Variants in FAM53A observed in about 807,000 individuals in gnomAD.
FAM53A encodes protein FAM53A.
FAM53A carries 28 observed loss-of-function variants against 26.6 expected under a neutral mutation model. That is an observed-to-expected ratio of 1.05 (90% confidence interval 0.78 to 1.45). The LOEUF is 1.45. FAM53A is among the 40% of genes most tolerant of loss of function. FAM53A has a pLI of 0.00. For missense variants in FAM53A, 650 were observed against 575.8 expected, an observed-to-expected ratio of 1.13 and a Z score of -1.32; for synonymous variants, 290 against 253.1, an observed-to-expected ratio of 1.15 and a Z score of -1.38.
intron 1 of FAM53A, among the ~76,000 whole-genome samples, chr4:1,618,562 C>T (rs1200003827): frequency 6.6e-6 from 1 of 152,150 alleles, no homozygotes; most frequent in Non-Finnish European, 1.5e-5. Flanking sequence ...TGCATGGGGA[C>T]GGCAGCTCTG....
Position 1,672,267 on chromosome 4 carries a change from A to AGGAACC in FAM53A, c.-164-3363_-164-3362insGGTTCC, listed in dbSNP as rs1714727801. Among the ~76,000 whole-genome samples, 6 of 148,526 alleles carry AGGAACC rather than the reference A, an allele frequency of 4.0e-5. 1 individual carries two copies. The highest frequency in any genetic ancestry group is 5.9e-5 in the Non-Finnish European group (4 of 67,546). ...CACGGACCCAGGGACCCACAGACCCACAAACCCAGGAACCAGCCACCCACA... is the reference window on the plus strand; with the variant it reads ...CACGGACCCAGGGACCCACAGACCCAGGAACCCAAACCCAGGAACCAGCCACCCACA... On this transcript the variant is annotated intron_variant, in intron 1 of 4. Coordinates refer to ENST00000308132, the MANE Select transcript of FAM53A (RefSeq NM_001174070.3).
In FAM53A at chr4:1,655,377, C is replaced by A. The variant is rs774268587; in HGVS notation, c.483G>T (p.Arg161=). The change falls in exon 4 of 5, where the codon CGG becomes CGT. Residue 161 remains arginine, a synonymous_variant. Transcript: ENST00000308132. The part of the protein sequence containing the change: ...RRCDSGGSAT[R]QGSPGAVLPR... Reference sequence around the variant, plus strand: ...GCAGGACGGCGCCGGGGCTTCCCTGCCGCGTGGCACTCCCGCCGCTGTCGC... The same window carrying A: ...GCAGGACGGCGCCGGGGCTTCCCTGACGCGTGGCACTCCCGCCGCTGTCGC... 1 of 1,447,060 alleles carries A rather than the reference C, an allele frequency of 6.9e-7. No individual in the cohort carries two copies. The highest frequency in any genetic ancestry group is 1.5e-5 in the African/African-American group (1 of 67,572). 89.6% of individuals were successfully genotyped at this position (1,447,060 alleles called of 1,614,324 possible).
chr4:1,613,897 C>T (rs1411287360), downstream of FAM53A, among the ~76,000 whole-genome samples: 6 of 152,224 alleles, frequency 3.9e-5, no homozygotes, highest in Non-Finnish European at 5.9e-5. Flanking sequence ...CTCACCTGTA[C>T]CTCAGGTCCC....
At chr4:1,647,674 G>A (rs377652192) in intron 4 of FAM53A, among the ~76,000 whole-genome samples, 60 of 152,354 alleles carry the variant, frequency 3.9e-4, no homozygotes, top group African/African-American at 1.4e-3. Context: ...CAGCACAGCC[G>A]GGGTGCGGAT....
At chr4:1,638,326 C>T (rs546109599), downstream of FAM53A, among the ~76,000 whole-genome samples, 9 of 152,226 alleles carry the variant, frequency 5.9e-5, no homozygotes, top group African/African-American at 2.2e-4. Context: ...AGACAGGGGA[C>T]CCAAGGGTGC....
At position 1,625,285 on chromosome 4, in the gene FAM53A, A is replaced by G. The variant is rs201969240; in HGVS notation, c.432-7174T>C. 1.5e-3 allele frequency among the ~76,000 whole-genome samples: 56 copies of G among 36,956 alleles called. 1 individual carries two copies. Among genetic ancestry groups the G allele is most frequent in the African/African-American group, 4.3e-3 (17 of 4,000 alleles). 24.2% of individuals were successfully genotyped at this position (36,956 alleles called of 152,430 possible). On this transcript the variant is annotated intron_variant, in intron 1 of 1. Transcript: ENST00000489029. ...CCCGACCCACGTGGTCAGGGGTCAC[A>G]CCAGGTGATCAGAAGGCCCCACGTC...
the FAM53A span, among the ~76,000 whole-genome samples, chr4:1,604,996 C>T: frequency 6.6e-6 from 1 of 152,250 alleles, no homozygotes; most frequent in South Asian, 2.1e-4. Context: ...GGAACCTGCC[C>T]CTCTCTCTGG....
intron 1 of FAM53A, among the ~76,000 whole-genome samples, chr4:1,621,678 T>C (rs1478077936): frequency 6.6e-6 from 1 of 152,024 alleles, no homozygotes; most frequent in Admixed American, 6.5e-5. Context: ...ACTGGGGCAG[T>C]CCCCCCATCC....
the FAM53A span, among the ~76,000 whole-genome samples, chr4:1,589,786 T>G: frequency 7.9e-5 from 12 of 152,200 alleles, no homozygotes; most frequent in Admixed American, 1.3e-4. Context: ...TTACTTTGCT[T>G]CTTCTCTCCT....
rs539794063 is a variant in FAM53A at position 1,651,760 on chromosome 4, A to G, written c.882+3218T>C. Among the ~76,000 whole-genome samples the G allele has an allele frequency of 4.1e-4, 61 of 148,202 alleles. 1 individual carries two copies. Among genetic ancestry groups the G allele is most frequent in the African/African-American group, 1.5e-3 (61 of 40,268 alleles). On this transcript the variant is annotated intron_variant, in intron 4 of 4. Coordinates refer to ENST00000308132, the MANE Select transcript of FAM53A (RefSeq NM_001174070.3). ...GACCCAAAGCTGGGGACAGGGACAC[A>G]CAGGCTCAGCAAGGGACCCAAAGCC...
intron 1 of FAM53A, among the ~76,000 whole-genome samples, chr4:1,624,593 C>T (rs1461811865): frequency 6.6e-6 from 1 of 152,206 alleles, no homozygotes; most frequent in Non-Finnish European, 1.5e-5. Flanking sequence ...ACATCTACAT[C>T]CTCAAAGGCA....
At chr4:1,576,840 G>A in the FAM53A span, among the ~76,000 whole-genome samples, 1 of 152,316 alleles carries the variant, frequency 6.6e-6, no homozygotes, top group African/African-American at 2.4e-5. Context: ...TAGTTTGTCA[G>A]ACATCAGACT....
At chr4:1,597,824 C>T in the FAM53A span, among the ~76,000 whole-genome samples, 2 of 152,236 alleles carry the variant, frequency 1.3e-5, no homozygotes, top group Non-Finnish European at 2.9e-5. Flanking sequence ...GGTGAAACGC[C>T]ATCTCTACTA....
chr4:1,577,234 G>C, the FAM53A span, among the ~76,000 whole-genome samples: 1 of 152,324 alleles, frequency 6.6e-6, no homozygotes, highest in Non-Finnish European at 1.5e-5. Flanking sequence ...AGGGAGAGCA[G>C]AGGGGACCAT....
At chr4:1,599,093 C>T in the FAM53A span, among the ~76,000 whole-genome samples, 25 of 152,054 alleles carry the variant, frequency 1.6e-4, no homozygotes, top group Admixed American at 1.3e-4. This position sits in a 1 kb window ranked among gnomAD's most constrained non-coding sequence, Gnocchi z 6.1. Flanking sequence ...GGTGCCGGAG[C>T]GCAGGGCCGT....
chr4:1,615,785 G>A (rs988347008), downstream of FAM53A, among the ~76,000 whole-genome samples: 3 of 152,266 alleles, frequency 2.0e-5, no homozygotes, highest in Admixed American at 2.0e-4. Flanking sequence ...AGGCAAATGT[G>A]CAAATGCAGA....
At chr4:1,608,713 C>A in the FAM53A span, among the ~76,000 whole-genome samples, 60 of 152,324 alleles carry the variant, frequency 3.9e-4, no homozygotes, top group African/African-American at 1.3e-3. Context: ...TGGCCTCAGC[C>A]CCGTCCATCA....
At chr4:1,592,897 G>T in the FAM53A span, among the ~76,000 whole-genome samples, 1 of 152,122 alleles carries the variant, frequency 6.6e-6, no homozygotes, top group Non-Finnish European at 1.5e-5. Context: ...GCGTCTGCAG[G>T]GCACATGGCC....
chr4:1,667,609 T>C (rs1035196275), intron 2 of FAM53A, among the ~76,000 whole-genome samples: 2 of 152,068 alleles, frequency 1.3e-5, no homozygotes, highest in African/African-American at 2.4e-5. Context: ...GCTTGGACCC[T>C]CAGACCCTCA....
Sources: allele counts gnomAD v4.1 joint callset (sites outside exome capture counted in the v4.1 genomes callset), GRCh38; gene constraint gnomAD v4.1.1; non-coding constraint Gnocchi (gnomAD v3.1); transcripts MANE v1.5; gene names NCBI Gene and HGNC (gene_info 2026-07-23, HGNC 2026-07-21).